Variants in ADK observed in about 807,000 individuals in gnomAD.
The protein encoded by ADK is adenosine kinase.
A neutral mutation model predicts 44.7 loss-of-function variants in ADK; 24 were observed. That is an observed-to-expected ratio of 0.54 (90% CI 0.39 to 0.76). The LOEUF (loss-of-function observed/expected upper bound fraction) is 0.76. Ranked by LOEUF, ADK falls within the 30% of genes least tolerant of loss-of-function variation. The probability of loss-of-function intolerance (pLI) is 0.00; values close to 1 mark genes in which losing one functional copy is unlikely to be tolerated. For synonymous variants in ADK, 128 were observed against 142.6 expected, an observed-to-expected ratio of 0.90 and a Z score of 0.73; for missense variants, 321 against 425.1, an observed-to-expected ratio of 0.76 and a Z score of 2.15.
chr10:74,634,228 C>T (rs1853541325), intron 9 of ADK, among the ~76,000 whole-genome samples: 1 of 151,322 alleles, frequency 6.6e-6, no homozygotes, highest in Non-Finnish European at 1.5e-5. Context: ...TTTTTTGAGA[C>T]GAGTCTCGCC....
At chr10:74,338,492 ATT>A (rs1273366065) in intron 4 of ADK, among the ~76,000 whole-genome samples, 6 of 152,318 alleles carry the variant, frequency 3.9e-5, no homozygotes, top group Admixed American at 3.3e-4. Context: ...TTAATTTGTA[ATT>A]GCCTCAAACT....
intron 7 of ADK, among the ~76,000 whole-genome samples, chr10:74,542,386 T>A (rs1849669166): frequency 6.6e-6 from 1 of 152,246 alleles, no homozygotes; most frequent in Non-Finnish European, 1.5e-5. Context: ...ATAACTAATA[T>A]GCTGTGAAAA....
chr10:74,582,966 T>G (rs901983236), intron 7 of ADK, among the ~76,000 whole-genome samples: 1 of 152,178 alleles, frequency 6.6e-6, no homozygotes. Flanking sequence ...ATGCAACAAA[T>G]TTCTCCAGCC....
At chr10:74,188,858 C>T (rs180915613) in intron 1 of ADK, among the ~76,000 whole-genome samples, 40 of 152,210 alleles carry the variant, frequency 2.6e-4, no homozygotes, top group African/African-American at 8.9e-4. Flanking sequence ...CTGCAACCTT[C>T]GCCTCCCAGG....
chr10:74,615,532 C>A (rs1852720795), intron 9 of ADK, among the ~76,000 whole-genome samples: 1 of 152,126 alleles, frequency 6.6e-6, no homozygotes, highest in Non-Finnish European at 1.5e-5. Context: ...TATGAGACGG[C>A]ACTAATTGTT....
chr10:74,455,093 G>A (rs183903490), intron 6 of ADK, among the ~76,000 whole-genome samples: 2 of 152,134 alleles, frequency 1.3e-5, no homozygotes, highest in East Asian at 1.9e-4. Flanking sequence ...ATCCTGAACC[G>A]TGCCTATAGG....
intron 4 of ADK, among the ~76,000 whole-genome samples, chr10:74,378,691 G>A (rs1005200918): frequency 2.0e-5 from 3 of 152,188 alleles, no homozygotes; most frequent in African/African-American, 4.8e-5. Context: ...TTGAGAAGGT[G>A]AGATTTGGGT....
intron 3 of ADK, among the ~76,000 whole-genome samples, chr10:74,233,588 G>A (rs964265788): frequency 2.6e-5 from 4 of 152,154 alleles, no homozygotes; most frequent in Non-Finnish European, 5.9e-5. Context: ...AACCATATAG[G>A]AGAGGAAATT....
rs1853643346 is a variant in ADK at position 74,637,060 on chromosome 10, T to C, written c.878-33123T>C. Among the ~76,000 whole-genome samples, 2 of 152,172 alleles carry C rather than the reference T, an allele frequency of 1.3e-5. 1 individual carries two copies. Among genetic ancestry groups the C allele is most frequent in the South Asian group, 4.1e-4 (2 of 4,836 alleles). On this transcript the variant is annotated intron_variant, in intron 9 of 10. Transcript: ENST00000539909. ...ACTTTATAAGAAGACAAGGATGACC[T>C]TAATATTTTGAATTTAAGTGACTAG...
At chr10:74,331,246 G>A (rs1368746183) in intron 4 of ADK, among the ~76,000 whole-genome samples, 1 of 151,800 alleles carries the variant, frequency 6.6e-6, no homozygotes, top group South Asian at 2.1e-4. Flanking sequence ...ACCACAATGT[G>A]TTTTGAAAGT....
Position 74,680,210 on chromosome 10 carries a change from G to T in ADK, c.964+9941G>T, listed in dbSNP as rs572535804. On this transcript the variant is annotated intron_variant, in intron 10 of 10. Transcript: ENST00000539909. ...GACGCCTGTAGTCCCAGCTACTCGG[G>T]AGGCTGAGGCAGGAGAATGGCGTGA... Among the ~76,000 whole-genome samples the T allele has an allele frequency of 1.2e-3, 182 of 150,946 alleles. 2 individuals are homozygous for T. The highest frequency in any genetic ancestry group is 4.2e-3 in the African/African-American group (173 of 41,064).
intron 6 of ADK, among the ~76,000 whole-genome samples, chr10:74,465,766 G>T (rs964540171): frequency 6.6e-6 from 1 of 152,098 alleles, no homozygotes; most frequent in Non-Finnish European, 1.5e-5. Flanking sequence ...GAGGGTAAAT[G>T]GGGATAATTT....
At chr10:74,544,324 C>T (rs890717708) in intron 7 of ADK, among the ~76,000 whole-genome samples, 2 of 152,144 alleles carry the variant, frequency 1.3e-5, no homozygotes, top group Non-Finnish European at 2.9e-5. Context: ...GACAGTGAGT[C>T]GCCCCATCAG....
chr10:74,600,966 C>G (rs1852100182), intron 9 of ADK, among the ~76,000 whole-genome samples: 1 of 151,514 alleles, frequency 6.6e-6, no homozygotes, highest in African/African-American at 2.4e-5. Context: ...AGTAAGCAAA[C>G]ATGTTATTGA....
At chr10:74,534,735 C>T (rs1334291625) in intron 7 of ADK, among the ~76,000 whole-genome samples, 1 of 152,148 alleles carries the variant, frequency 6.6e-6, no homozygotes, top group Non-Finnish European at 1.5e-5. Flanking sequence ...TTTCACTTCA[C>T]TTTAACTTGC....
At chr10:74,448,265 G>A (rs1302449646) in intron 6 of ADK, among the ~76,000 whole-genome samples, 1 of 151,966 alleles carries the variant, frequency 6.6e-6, no homozygotes. Context: ...TCCAGCCGGG[G>A]CAACCTAGTG....
intron 3 of ADK, among the ~76,000 whole-genome samples, chr10:74,311,189 G>A (rs1170442527): frequency 1.3e-5 from 2 of 152,094 alleles, no homozygotes; most frequent in Non-Finnish European, 2.9e-5. Flanking sequence ...TACACAAAAA[G>A]ATTACATTGT....
chr10:74,354,903 A>G (rs551340686), intron 4 of ADK, among the ~76,000 whole-genome samples: 1 of 152,198 alleles, frequency 6.6e-6, no homozygotes, highest in Non-Finnish European at 1.5e-5. Context: ...TGCTTCCACT[A>G]TTTGGGTAAT....
At chr10:74,525,200 T>G (rs995524457) in intron 6 of ADK, 56 bp from the exon 7 acceptor site, 5 of 1,530,148 alleles carry the variant, frequency 3.3e-6, no homozygotes, top group Non-Finnish European at 4.5e-6. Context: ...TTATTCTCAC[T>G]GAGAGTGACT....
Sources: allele counts gnomAD v4.1 joint callset (sites outside exome capture counted in the v4.1 genomes callset), GRCh38; gene constraint gnomAD v4.1.1; transcripts MANE v1.5; gene names NCBI Gene and HGNC (gene_info 2026-07-23, HGNC 2026-07-21).